Variants in MLLT10 observed in about 807,000 individuals in gnomAD.
MLLT10 encodes the protein MLLT10 histone lysine methyltransferase DOT1L cofactor.
MLLT10 carries 30 observed loss-of-function variants against 129.1 expected under a neutral mutation model. That is an observed-to-expected ratio of 0.23 (90% CI 0.17 to 0.32). The LOEUF is 0.32. Among genes scored for constraint, MLLT10 ranks in the 10% least tolerant of loss-of-function variants. The pLI, the probability that MLLT10 is intolerant of heterozygous loss-of-function variation, is 1.00. For synonymous variants in MLLT10, 490 were observed against 446.4 expected (o/e 1.10, Z -1.23); for missense variants, 1,119 against 1,268.3 (o/e 0.88, Z 1.79).
chr10:21,736,059 A>G (rs1415905335), intron 21 of MLLT10, among the ~76,000 whole-genome samples: 1 of 151,946 alleles, frequency 6.6e-6, no homozygotes, highest in Non-Finnish European at 1.5e-5. Flanking sequence ...TTCATTCTCC[A>G]TTTTTTTCAG....
At chr10:21,611,279 G>T (rs146972506) in intron 5 of MLLT10, among the ~76,000 whole-genome samples, 159 of 151,824 alleles carry the variant, frequency 1.0e-3, no homozygotes, top group African/African-American at 3.5e-3. Context: ...AAAGTGCTGG[G>T]ATTACAGGTG....
At chr10:21,693,185 C>A (rs2131443344) in intron 13 of MLLT10, among the ~76,000 whole-genome samples, 1 of 152,130 alleles carries the variant, frequency 6.6e-6, no homozygotes, top group Non-Finnish European at 1.5e-5. Context: ...AAAAAATCAC[C>A]CCATGTAAAA....
chr10:21,579,578 T>C (rs1056314892), intron 3 of MLLT10, among the ~76,000 whole-genome samples: 3 of 151,920 alleles, frequency 2.0e-5, no homozygotes, highest in Admixed American at 6.6e-5. Context: ...TTTTTTTTTT[T>C]TGAGGTGGAG....
chr10:21,671,585 A>C (rs2051408824), intron 10 of MLLT10, among the ~76,000 whole-genome samples: 1 of 152,194 alleles, frequency 6.6e-6, no homozygotes, highest in Non-Finnish European at 1.5e-5. Flanking sequence ...TAGGAGTTGG[A>C]GACCAGCCTA....
At chr10:21,550,452 A>G (rs2036814448) in intron 3 of MLLT10, among the ~76,000 whole-genome samples, 1 of 152,304 alleles carries the variant, frequency 6.6e-6, no homozygotes, top group East Asian at 1.9e-4. Flanking sequence ...TGTTGCTGTC[A>G]TAGTCAGTCC....
chr10:21,726,567 T>A (rs1233551420), intron 15 of MLLT10, among the ~76,000 whole-genome samples: 2 of 152,026 alleles, frequency 1.3e-5, no homozygotes, highest in East Asian at 3.8e-4. Context: ...TACATTCATA[T>A]ATCATAACAT....
At chr10:21,565,107 C>T (rs924551138) in intron 3 of MLLT10, among the ~76,000 whole-genome samples, 2 of 152,084 alleles carry the variant, frequency 1.3e-5, no homozygotes, top group African/African-American at 4.8e-5. Flanking sequence ...ATTGACCTCT[C>T]TCTCCATAAA....
At chr10:21,561,749 C>T (rs1470037190) in intron 3 of MLLT10, among the ~76,000 whole-genome samples, 3 of 152,072 alleles carry the variant, frequency 2.0e-5, no homozygotes, top group Non-Finnish European at 2.9e-5. Flanking sequence ...ACCATATAAG[C>T]GAGAGTTTAT....
rs2041978154 is a variant in MLLT10, at chr10:21,586,280, T to C, written c.241-14T>C. On this transcript the variant is annotated splice_polypyrimidine_tract_variant and intron_variant, in intron 3 of 22. Coordinates refer to ENST00000307729, the MANE Select transcript of MLLT10 (RefSeq NM_001195626.3). ...TGAAATATTCATTACCTGTTTCTTTTTTTTTTTTTATAGAGATGTGAACTT... is the reference window on the plus strand; with the variant it reads ...TGAAATATTCATTACCTGTTTCTTTCTTTTTTTTTATAGAGATGTGAACTT... 1.3e-6 allele frequency: 2 copies of C among 1,547,388 alleles called. No homozygotes were observed. The highest frequency in any genetic ancestry group is 1.2e-5 in the South Asian group (1 of 82,414).
intron 7 of MLLT10, among the ~76,000 whole-genome samples, chr10:21,616,509 T>C (rs2045274462): frequency 6.6e-6 from 1 of 152,122 alleles, no homozygotes; most frequent in South Asian, 2.1e-4. Flanking sequence ...TACAAGTGTT[T>C]TAAACAGAAA....
chr10:21,603,827 GTT>G (rs35036317), intron 5 of MLLT10, among the ~76,000 whole-genome samples: 1 of 142,504 alleles, frequency 7.0e-6, no homozygotes, highest in African/African-American at 2.6e-5. Flanking sequence ...TTGTTTTTTT[GTT>G]TTTTTTTTTT....
At chr10:21,664,957 T>TC (rs1347829007) in intron 9 of MLLT10, among the ~76,000 whole-genome samples, 2 of 147,034 alleles carry the variant, frequency 1.4e-5, no homozygotes, top group South Asian at 4.3e-4. Context: ...TTTTTTTTTT[T>TC]TTTTTTGAGA....
At chr10:21,599,548 C>T (rs1200379063) in intron 5 of MLLT10, among the ~76,000 whole-genome samples, 1 of 152,034 alleles carries the variant, frequency 6.6e-6, no homozygotes, top group African/African-American at 2.4e-5. Context: ...AAACCTGACT[C>T]TTAATATTTT....
chr10:21,546,089 A>AT (rs889772649), intron 3 of MLLT10, among the ~76,000 whole-genome samples: 5 of 152,004 alleles, frequency 3.3e-5, no homozygotes, highest in Non-Finnish European at 7.4e-5. Context: ...AATTTAATTA[A>AT]TTTTTTTTGA....
At chr10:21,556,697 A>G (rs1257225386) in intron 3 of MLLT10, 9 of 1,612,494 alleles carry the variant, frequency 5.6e-6, no homozygotes, top group Admixed American at 5.0e-5. Context: ...TCCTGGATAC[A>G]TAGAACATCA....
intron 20 of MLLT10, among the ~76,000 whole-genome samples, chr10:21,734,669 T>TGCA (rs1432652513): frequency 1.3e-5 from 2 of 152,242 alleles, no homozygotes; most frequent in Non-Finnish European, 2.9e-5. Context: ...TAAATGGATT[T>TGCA]GCAGTGGGTA....
intron 13 of MLLT10, among the ~76,000 whole-genome samples, chr10:21,692,747 G>T (rs1040195797): frequency 1.3e-5 from 2 of 150,294 alleles, no homozygotes; most frequent in Admixed American, 6.6e-5. Context: ...TTGGCCTCCC[G>T]AAGTGCTGGG....
chr10:21,564,614 C>T (rs2039306057), intron 3 of MLLT10: 1 of 151,892 alleles, frequency 6.6e-6, no homozygotes, highest in African/African-American at 2.4e-5. Context: ...TCAGTTTTGG[C>T]TATTTTCTTT....
chr10:21,618,316 T>G (rs541575736), intron 8 of MLLT10, among the ~76,000 whole-genome samples: 1 of 151,710 alleles, frequency 6.6e-6, no homozygotes, highest in East Asian at 2.0e-4. Context: ...GCCAACATGG[T>G]GAAACTGTGT....
Sources: gnomAD v4.1 joint callset for allele counts (sites outside exome capture counted in the v4.1 genomes callset) on GRCh38, gnomAD v4.1.1 for gene constraint, MANE v1.5 for transcripts, NCBI Gene and HGNC (gene_info 2026-07-23, HGNC 2026-07-21) for gene names.